The following FSIP1 variants were observed in gnomAD, a reference collection of about 807,000 sequenced individuals.
FSIP1 encodes the protein fibrous sheath-interacting protein 1.
A neutral mutation model predicts 60.9 loss-of-function variants in FSIP1; 65 were observed. The ratio of observed to expected loss-of-function variants is 1.07; its 90% CI spans 0.87 to 1.31. The LOEUF is 1.31. FSIP1 is among the 40% of genes most tolerant of loss of function. The pLI is 0.00. For missense variants in FSIP1, 675 were observed against 665.5 expected (o/e 1.01, Z -0.16); for synonymous variants, 209 against 221.2 (o/e 0.94, Z 0.49).
intron 5 of FSIP1, among the ~76,000 whole-genome samples, chr15:39,752,627 C>T (rs993480089): frequency 6.6e-6 from 1 of 151,844 alleles, no homozygotes; most frequent in African/African-American, 2.4e-5. Flanking sequence ...ACCAGTACTC[C>T]TCAAAACTGT....
At chr15:39,764,542 C>A (rs1566918582) in intron 4 of FSIP1, among the ~76,000 whole-genome samples, 1 of 152,206 alleles carries the variant, frequency 6.6e-6, no homozygotes, top group Admixed American at 6.5e-5. Flanking sequence ...TAACCAATCT[C>A]TTATGACAAG....
At chr15:39,768,188 G>A (rs369092473) in intron 3 of FSIP1, among the ~76,000 whole-genome samples, 9 of 152,164 alleles carry the variant, frequency 5.9e-5, no homozygotes, top group African/African-American at 1.9e-4. Flanking sequence ...CTTGTCACAC[G>A]TCCTTCAAGG....
intron 11 of FSIP1, among the ~76,000 whole-genome samples, chr15:39,604,665 G>A (rs1890758814): frequency 6.6e-6 from 1 of 152,284 alleles, no homozygotes; most frequent in Non-Finnish European, 1.5e-5. Flanking sequence ...AAGAGCATTG[G>A]TTTGACTAGA....
At position 39,726,469 on chromosome 15, in the gene FSIP1, T is replaced by A. The variant is rs566936559; in HGVS notation, c.1050+120A>T. 28 of 980,316 alleles carry A rather than the reference T, an allele frequency of 2.9e-5. No homozygotes were observed. In the South Asian group the frequency reaches 3.0e-4, roughly 11 times the overall value. 60.7% of individuals were successfully genotyped at this position (980,316 alleles called of 1,614,324 possible). On this transcript the variant is annotated intron_variant, in intron 9 of 11. Coordinates refer to ENST00000350221, the MANE Select transcript of FSIP1 (RefSeq NM_152597.5). ...GAAAGTGGAAGTAACCAAAGGAATATACACACTGTTATGAAACTATGATCA... is the reference window on the plus strand; with the variant it reads ...GAAAGTGGAAGTAACCAAAGGAATAAACACACTGTTATGAAACTATGATCA...
chr15:39,699,355 T>A (rs1894961791), intron 10 of FSIP1, among the ~76,000 whole-genome samples: 1 of 152,108 alleles, frequency 6.6e-6, no homozygotes. Context: ...TAAAGAAAAA[T>A]CCAACAAAAT....
At chr15:39,638,644 T>G (rs1484454506) in intron 10 of FSIP1, among the ~76,000 whole-genome samples, 2 of 152,234 alleles carry the variant, frequency 1.3e-5, no homozygotes, top group Non-Finnish European at 2.9e-5. Flanking sequence ...CTGTGTGTGT[T>G]TTGACAACAT....
chr15:39,658,256 T>A (rs923911697), intron 10 of FSIP1, among the ~76,000 whole-genome samples: 283 of 148,544 alleles, frequency 1.9e-3, no homozygotes, highest in African/African-American at 6.7e-3. Flanking sequence ...ACATGATTTT[T>A]TTTTTTTTTT....
At chr15:39,664,264 T>G (rs935027118) in intron 10 of FSIP1, among the ~76,000 whole-genome samples, 9 of 152,194 alleles carry the variant, frequency 5.9e-5, no homozygotes, top group Non-Finnish European at 1.2e-4. Flanking sequence ...ATATTTTTAA[T>G]GTCAAATTGC....
chr15:39,626,894 T>C (rs1479621029), intron 10 of FSIP1, among the ~76,000 whole-genome samples: 1 of 152,156 alleles, frequency 6.6e-6, no homozygotes, highest in East Asian at 1.9e-4. Context: ...CCTTAATACT[T>C]GATCAGTGCC....
intron 11 of FSIP1, among the ~76,000 whole-genome samples, chr15:39,614,921 C>T (rs1891170004): frequency 6.6e-6 from 1 of 152,130 alleles, no homozygotes; most frequent in Non-Finnish European, 1.5e-5. Context: ...CAACAACATG[C>T]TACTGGCATA....
In FSIP1 at chr15:39,654,946, C is replaced by T. The variant is rs568838321; in HGVS notation, c.1189-36701G>A. Among the ~76,000 whole-genome samples, 11 of 152,310 alleles carry T rather than the reference C, an allele frequency of 7.2e-5. 1 individual carries two copies. The South Asian group carries it at 1.7e-3, about 23-fold the overall frequency. ...CACGTGTCTTCTGGAAAAAGACACA[C>T]CAGCTGATAAAAACATGGTTTCTCC... On this transcript the variant is annotated intron_variant, in intron 10 of 11. Transcript: ENST00000350221.
chr15:39,676,172 C>CAAAA (rs11369072), intron 10 of FSIP1, among the ~76,000 whole-genome samples: 2,808 of 112,546 alleles, frequency 0.025, 98 homozygotes, highest in Non-Finnish European at 0.036. Flanking sequence ...GACTCCATCT[C>CAAAA]AAAAAAAAAA....
chr15:39,765,868 A>C, intron 3 of FSIP1, 122 bp from the exon 4 acceptor site: 1 of 537,024 alleles, frequency 1.9e-6, no homozygotes, highest in Admixed American at 4.0e-5. Context: ...TAACTACTAC[A>C]TTGGTACCAT....
At chr15:39,766,649 T>C (rs1250019750) in intron 3 of FSIP1, among the ~76,000 whole-genome samples, 1 of 152,140 alleles carries the variant, frequency 6.6e-6, no homozygotes, top group Non-Finnish European at 1.5e-5. Flanking sequence ...CAGATAATAT[T>C]CTCTCCATTT....
At chr15:39,774,662 T>A (rs916191855) in intron 2 of FSIP1, among the ~76,000 whole-genome samples, 1 of 152,202 alleles carries the variant, frequency 6.6e-6, no homozygotes, top group Non-Finnish European at 1.5e-5. Context: ...CAAAGTCACT[T>A]ATAGCTAGGG....
At chr15:39,727,707 G>A (rs149700138) in intron 8 of FSIP1, among the ~76,000 whole-genome samples, 1 of 152,006 alleles carries the variant, frequency 6.6e-6, no homozygotes, top group Admixed American at 6.6e-5. Context: ...AAAGATCAAG[G>A]ATAAAGAATA....
chr15:39,730,456 G>A (rs1896361037), intron 8 of FSIP1, among the ~76,000 whole-genome samples: 1 of 152,198 alleles, frequency 6.6e-6, no homozygotes, highest in South Asian at 2.1e-4. Flanking sequence ...GGAATAACGT[G>A]TCAAGTAGAG....
chr15:39,714,013 G>C (rs1895639068), intron 9 of FSIP1, among the ~76,000 whole-genome samples: 1 of 152,184 alleles, frequency 6.6e-6, no homozygotes, highest in African/African-American at 2.4e-5. Context: ...ATTTGGCAAG[G>C]TCAGGAGTTT....
chr15:39,683,524 G>A (rs1595610286), intron 10 of FSIP1, among the ~76,000 whole-genome samples: 1 of 152,026 alleles, frequency 6.6e-6, no homozygotes, highest in Non-Finnish European at 1.5e-5. Flanking sequence ...AGGCAAAAAT[G>A]TCCACTCCCA....
Sources: gnomAD v4.1 joint callset for allele counts (sites outside exome capture counted in the v4.1 genomes callset) on GRCh38, gnomAD v4.1.1 for gene constraint, MANE v1.5 for transcripts, NCBI Gene and HGNC (gene_info 2026-07-23, HGNC 2026-07-21) for gene names.